The following GALNT3 variants were observed in gnomAD, a reference collection of about 807,000 sequenced individuals.
GALNT3 encodes polypeptide N-acetylgalactosaminyltransferase 3, also known as GalNAc transferase 3.
Under a neutral mutation model 69.8 loss-of-function variants are expected in GALNT3, and 51 were observed. That is an observed-to-expected ratio of 0.73 (90% CI 0.58 to 0.92). The LOEUF is 0.92. Ranked by LOEUF, GALNT3 falls within the 40% of genes least tolerant of loss-of-function variation. GALNT3 has a pLI of 0.00. For synonymous variants in GALNT3, 265 were observed against 248.5 expected, an observed-to-expected ratio of 1.07 and a Z score of -0.63; for missense variants, 711 against 760.0, an observed-to-expected ratio of 0.94 and a Z score of 0.76.
In GALNT3 at chr2:165,754,746, A is replaced by G. The variant is rs767478974; in HGVS notation, c.1525-18T>C. 1.9e-6 allele frequency: 3 copies of G among 1,570,900 alleles called. No homozygotes were observed. In the Admixed American group the frequency reaches 5.0e-5, roughly 26 times the overall value. On this transcript the variant is annotated intron_variant, in intron 8 of 10. Transcript: ENST00000392701. ...CTTTTAATCTAAAGGAAAATTTTCA[A>G]GTTATGAAAAGTTTTTTAATCCATG...
chr2:165,765,617 T>C (rs1054575238), intron 2 of GALNT3, among the ~76,000 whole-genome samples: 1 of 151,786 alleles, frequency 6.6e-6, no homozygotes, highest in African/African-American at 2.4e-5. Context: ...AGCTCCCGAG[T>C]AGCTGGGACT....
rs1309188046 is a variant in GALNT3, at chr2:165,748,917, A to C, written c.1780-14T>G. The C allele has an allele frequency of 3.1e-6, 5 of 1,606,042 alleles. No individual in the cohort carries two copies. The South Asian group carries it at 5.5e-5, about 18-fold the overall frequency. On this transcript the variant is annotated splice_polypyrimidine_tract_variant and intron_variant, in intron 10 of 10. Transcript: ENST00000392701. ...TAGAAGTTGATCCTAGAATAAAAGG[A>C]AACAACAGACATTAAATTCCAAGAC...
At position 165,764,960 on chromosome 2, in the gene GALNT3, A is replaced by G; in HGVS notation, c.612T>C (p.Thr204=). Residue 204 remains threonine, a synonymous_variant, in exon 3 of 11, where the codon ACT becomes ACC. Transcript: ENST00000392701. ...HNEAWSTLLR[T]VHSVLYSSPA... ...GTGAAGAATAGAGCACACTGTGGAC[A>G]GTTCTAAGCAACGTGGACCACGCTT... 6.2e-7 allele frequency: 1 copy of G among 1,614,236 alleles called. No homozygotes were observed. Among genetic ancestry groups the G allele is most frequent in the Non-Finnish European group, 8.5e-7 (1 of 1,180,026 alleles).
rs1159208891 is a variant in GALNT3, at chr2:165,757,126, C to A, written c.1313G>T (p.Arg438Leu). ...GTQVIARNQV[R>L]LAEVWMDEYK... ...TTCATCCATCCAGACTTCTGCAAGG[C>A]GAACTTGGTTTCTAGCAATCACCTG... The change falls in exon 7 of 11, where the codon CGC becomes CTC. Residue 438 changes from arginine to leucine, a missense_variant. Arg to Leu is a moderately radical substitution (Grantham distance 102). Transcript: ENST00000392701. The A allele has an allele frequency of 6.2e-7, 1 of 1,614,066 alleles. No individual in the cohort carries two copies. The highest frequency in any genetic ancestry group is 1.3e-5 in the African/African-American group (1 of 75,036).
chr2:165,768,373 GATT>G (rs1482351869), intron 2 of GALNT3, among the ~76,000 whole-genome samples: 3 of 152,116 alleles, frequency 2.0e-5, no homozygotes, highest in Admixed American at 2.0e-4. Flanking sequence ...TAAAAATCAT[GATT>G]ATTGATTTTT....
intron 1 of GALNT3, among the ~76,000 whole-genome samples, chr2:165,786,961 T>C (rs1005176587): frequency 5.3e-5 from 8 of 152,254 alleles, no homozygotes; most frequent in African/African-American, 1.9e-4. Context: ...TAAACTATTA[T>C]TACTTGATAA....
intron 7 of GALNT3, among the ~76,000 whole-genome samples, chr2:165,756,552 C>A (rs1166508945): frequency 6.6e-6 from 1 of 152,090 alleles, no homozygotes; most frequent in Non-Finnish European, 1.5e-5. Context: ...CACCTTGCAG[C>A]CACTCTATGA....
At chr2:165,764,002 C>G (rs1231324304) in intron 3 of GALNT3, among the ~76,000 whole-genome samples, 1 of 152,074 alleles carries the variant, frequency 6.6e-6, no homozygotes, top group Non-Finnish European at 1.5e-5. Flanking sequence ...GAATCTAACT[C>G]CAAACTTGGA....
At position 165,748,110 on chromosome 2, in the gene GALNT3, G is replaced by C. The variant is rs1573992205; in HGVS notation, c.*671C>G. The C allele has an allele frequency of 2.2e-5, 4 of 184,222 alleles. No homozygotes were observed. In the Admixed American group the frequency reaches 2.5e-4, roughly 11 times the overall value. 11.4% of individuals were successfully genotyped at this position (184,222 alleles called of 1,614,324 possible). The stretch of plus-strand genomic sequence containing the variant: ...GAAAACACACAGTATCATTACTTAA[G>C]AAAAGTCATTTAAGGAAGACTTAAG... On this transcript the variant is annotated 3_prime_UTR_variant, in exon 11 of 11. Coordinates refer to ENST00000392701, the MANE Select transcript of GALNT3 (RefSeq NM_004482.4).
At chr2:165,773,851 A>T (rs1330303742) in intron 1 of GALNT3, among the ~76,000 whole-genome samples, 1 of 152,122 alleles carries the variant, frequency 6.6e-6, no homozygotes, top group African/African-American at 2.4e-5. Flanking sequence ...CGTCAAGTGG[A>T]AGTAATTTTA....
chr2:165,788,466 G>GGTGTGTGTGT (rs148293638), intron 1 of GALNT3, among the ~76,000 whole-genome samples: 235 of 139,596 alleles, frequency 1.7e-3, no homozygotes, highest in South Asian at 6.2e-3. Flanking sequence ...AATCCAAAAG[G>GGTGTGTGTGT]GTGTGTGTGT....
chr2:165,768,503 A>G (rs892685631), intron 2 of GALNT3, among the ~76,000 whole-genome samples: 5 of 152,216 alleles, frequency 3.3e-5, no homozygotes, highest in African/African-American at 9.6e-5. Flanking sequence ...CAGCTAGAAT[A>G]TTTTATAGAT....
At chr2:165,793,114 AC>A (rs2105237281) in intron 1 of GALNT3, among the ~76,000 whole-genome samples, 1 of 152,272 alleles carries the variant, frequency 6.6e-6, no homozygotes, top group South Asian at 2.1e-4. Context: ...CGCCAGTTTC[AC>A]CCTCAATTCT....
rs73972172 is a variant in GALNT3 at position 165,777,536 on chromosome 2, A to G, written c.-108-6728T>C. 4.8e-3 allele frequency among the ~76,000 whole-genome samples: 731 copies of G among 152,342 alleles called. 5 individuals are homozygous for G. Among genetic ancestry groups the G allele is most frequent in the African/African-American group, 0.016 (683 of 41,594 alleles). On this transcript the variant is annotated intron_variant, in intron 1 of 10. Transcript: ENST00000392701. Reference sequence around the variant, plus strand: ...TCTACTGGTTAAAGTGTTAGGGAACAGAGGAGTGGCAGAAAGTCATTTCTG... The same window carrying G: ...TCTACTGGTTAAAGTGTTAGGGAACGGAGGAGTGGCAGAAAGTCATTTCTG...
chr2:165,755,880 G>T (rs1466705073), intron 7 of GALNT3, among the ~76,000 whole-genome samples: 1 of 152,174 alleles, frequency 6.6e-6, no homozygotes, highest in African/African-American at 2.4e-5. Flanking sequence ...CTTCTGGCTA[G>T]CTTATTACAT....
chr2:165,774,119 G>T (rs1472469731), intron 1 of GALNT3, among the ~76,000 whole-genome samples: 7 of 152,160 alleles, frequency 4.6e-5, no homozygotes, highest in Admixed American at 3.9e-4. Context: ...ACAGGAAAGT[G>T]GTTCCCAGTT....
upstream of GALNT3, chr2:165,794,603 A>C (rs1683426093): frequency 6.6e-6 from 1 of 152,322 alleles, no homozygotes; most frequent in Admixed American, 6.5e-5. Context: ...CGCCAAAATG[A>C]AGGGGTGCGC....
chr2:165,759,252 C>A, intron 5 of GALNT3, 84 bp downstream of exon 5: 1 of 1,036,930 alleles, frequency 9.6e-7, no homozygotes, highest in Non-Finnish European at 1.5e-6. Context: ...ACCTCAGAGG[C>A]AATTGCTATA....
chr2:165,789,275 C>T (rs917662957), intron 1 of GALNT3, among the ~76,000 whole-genome samples: 1 of 152,150 alleles, frequency 6.6e-6, no homozygotes, highest in African/African-American at 2.4e-5. Context: ...TCCTAGGTAT[C>T]CTCACATGGA....
Sources: gnomAD v4.1 joint callset for allele counts (sites outside exome capture counted in the v4.1 genomes callset) on GRCh38, gnomAD v4.1.1 for gene constraint, MANE v1.5 for transcripts, NCBI Gene and HGNC (gene_info 2026-07-23, HGNC 2026-07-21) for gene names.